C1orf141: variants seen among roughly 807,000 people sequenced by gnomAD.
C1orf141 encodes chromosome 1 open reading frame 141.
Under a neutral mutation model 23.2 loss-of-function variants are expected in C1orf141, and 19 were observed. The ratio of observed to expected loss-of-function variants is 0.82; its 90% CI spans 0.57 to 1.20. The LOEUF is 1.20. C1orf141 is among the 50% of genes most tolerant of loss of function. C1orf141 has a pLI of 0.00. For missense variants in C1orf141, 469 were observed against 455.1 expected, an observed-to-expected ratio of 1.03 and a Z score of -0.28; for synonymous variants, 153 against 154.6, an observed-to-expected ratio of 0.99 and a Z score of 0.08.
intron 5 of C1orf141, among the ~76,000 whole-genome samples, chr1:67,097,692 G>C (rs538552523): frequency 6.0e-4 from 91 of 152,176 alleles, no homozygotes; most frequent in Admixed American, 1.2e-3. Flanking sequence ...CTTGCTCAGT[G>C]ATGGATGGTC....
At chr1:67,128,106 A>T (rs1019210386) in intron 2 of C1orf141, among the ~76,000 whole-genome samples, 30 of 152,168 alleles carry the variant, frequency 2.0e-4, no homozygotes, top group African/African-American at 6.0e-4. Flanking sequence ...AGTAGCAGCA[A>T]CTAAGCTGGT....
intron 7 of C1orf141, 169 bp downstream of exon 7, chr1:67,095,066 G>A: frequency 2.1e-6 from 1 of 485,202 alleles, no homozygotes; most frequent in East Asian, 3.2e-5. Context: ...CCCTGGTTTG[G>A]GAGTTGTGCA....
intron 2 of C1orf141, among the ~76,000 whole-genome samples, chr1:67,129,440 G>A (rs988329691): frequency 6.6e-6 from 1 of 152,128 alleles, no homozygotes; most frequent in African/African-American, 2.4e-5. Context: ...ACCCCGGCTT[G>A]GGTGACAGAG....
intron 5 of C1orf141, among the ~76,000 whole-genome samples, chr1:67,104,579 A>G (rs1234879434): frequency 2.6e-5 from 4 of 152,210 alleles, no homozygotes; most frequent in Non-Finnish European, 5.9e-5. Context: ...TTTAAAACAT[A>G]GTTTAAAAGA....
chr1:67,132,034 C>T (rs940342505), intron 1 of C1orf141, among the ~76,000 whole-genome samples: 9 of 151,752 alleles, frequency 5.9e-5, no homozygotes, highest in Non-Finnish European at 7.4e-5. Context: ...CCGCCCACCT[C>T]GGCCTCCCAA....
intron 5 of C1orf141, among the ~76,000 whole-genome samples, chr1:67,105,854 C>A (rs1455957046): frequency 1.3e-5 from 2 of 152,164 alleles, no homozygotes; most frequent in Admixed American, 6.5e-5. Flanking sequence ...GCTAGAAAAA[C>A]CACGTTGTTT....
chr1:67,121,175 T>C (rs1646291734), intron 4 of C1orf141, among the ~76,000 whole-genome samples: 1 of 152,184 alleles, frequency 6.6e-6, no homozygotes, highest in Non-Finnish European at 1.5e-5. Context: ...AACCTTGCCT[T>C]TGGGTGTAGT....
At chr1:67,107,704 C>T (rs556913692) in intron 5 of C1orf141, among the ~76,000 whole-genome samples, 15 of 152,148 alleles carry the variant, frequency 9.9e-5, no homozygotes, top group Non-Finnish European at 1.9e-4. Flanking sequence ...GCCTGACCAA[C>T]GTGGAGAAAC....
chr1:67,095,459 C>G lies in C1orf141; in HGVS notation c.417-38G>C. 8.5e-6 allele frequency: 10 copies of G among 1,174,952 alleles called. No individual in the cohort carries two copies. In the South Asian group the frequency reaches 1.7e-4, roughly 20 times the overall value. The allele number at this position is 1,174,952 out of a possible 1,614,324, so 72.8% of individuals were successfully genotyped here. A position where few individuals can be genotyped will look rare whatever the true frequency, so the allele number is the denominator to read the frequency against. On this transcript the variant is annotated intron_variant, in intron 6 of 7. Coordinates refer to ENST00000684719, the MANE Select transcript of C1orf141 (RefSeq NM_001276351.2). ...ACAGTTCAGGGTAGTGTTCATGGGG[C>G]TGATTACAGCTTGTCAGTTCTTGTC...
At chr1:67,141,281 T>A (rs1646635264) in intron 1 of C1orf141, among the ~76,000 whole-genome samples, 1 of 152,220 alleles carries the variant, frequency 6.6e-6, no homozygotes, top group South Asian at 2.1e-4. Context: ...TGTATACTTT[T>A]GTATTTTCTA....
chr1:67,123,460 A>AT (rs1012123922), intron 4 of C1orf141: 3 of 152,056 alleles, frequency 2.0e-5, no homozygotes, highest in African/African-American at 7.2e-5. Context: ...CTCTTGTCAT[A>AT]TTTTTTGAAG....
intron 1 of C1orf141, among the ~76,000 whole-genome samples, chr1:67,131,553 G>C (rs1051838641): frequency 6.6e-6 from 1 of 152,014 alleles, no homozygotes; most frequent in African/African-American, 2.4e-5. Flanking sequence ...GATGACATAT[G>C]AGACCATCCA....
chr1:67,125,703 C>A, intron 4 of C1orf141, 49 bp downstream of exon 4: 2 of 1,568,926 alleles, frequency 1.3e-6, no homozygotes, highest in Non-Finnish European at 1.8e-6. Flanking sequence ...GTTTCACAAA[C>A]AAACAAACAA....
intron 5 of C1orf141, chr1:67,113,613 C>T: frequency 1.4e-6 from 1 of 736,104 alleles, no homozygotes; most frequent in Non-Finnish European, 1.9e-6. Flanking sequence ...GATCCACTTG[C>T]CTTGGCATCT....
chr1:67,106,593 G>C (rs563320858), intron 5 of C1orf141, among the ~76,000 whole-genome samples: 2 of 152,202 alleles, frequency 1.3e-5, no homozygotes, highest in African/African-American at 4.8e-5. Context: ...GGGAGGCAGA[G>C]GTTGCAGCAA....
Position 67,094,911 on chromosome 1 carries a change from A to C in C1orf141, c.603+324T>G, listed in dbSNP as rs566029110. ...CAGACTCCAGAGTAGCGGGGATTAC[A>C]GGTGCACACCACTGCATTCTGCTAG... On this transcript the variant is annotated intron_variant, in intron 7 of 7. Coordinates refer to ENST00000684719, the MANE Select transcript of C1orf141 (RefSeq NM_001276351.2). 92 of 187,882 alleles carry C rather than the reference A, an allele frequency of 4.9e-4. 1 individual carries two copies. The South Asian group carries it at 0.014, about 28-fold the overall frequency. The allele number at this position is 187,882 out of a possible 1,614,324, so 11.6% of individuals were successfully genotyped here. A position where few individuals can be genotyped will look rare whatever the true frequency, so the allele number is the denominator to read the frequency against.
At chr1:67,125,667 C>T (rs1646392717) in intron 4 of C1orf141, 85 bp downstream of exon 4, 2 of 1,314,478 alleles carry the variant, frequency 1.5e-6, no homozygotes, top group Middle Eastern at 2.2e-4. Flanking sequence ...CCACTGCACT[C>T]TACCCTAGGC....
At chr1:67,135,729 T>C (rs78597810), upstream of C1orf141, among the ~76,000 whole-genome samples, 5,701 of 152,004 alleles carry the variant, frequency 0.038, 106 homozygotes, top group East Asian at 0.076. Context: ...AATTTCACAA[T>C]ATTGGTTACA....
chr1:67,102,692 A>G (rs1033503655), intron 5 of C1orf141: 1 of 152,106 alleles, frequency 6.6e-6, no homozygotes, highest in Non-Finnish European at 1.5e-5. Context: ...AGACAGACAG[A>G]AAACTCGAGA....
Sources: gnomAD v4.1 joint callset for allele counts (sites outside exome capture counted in the v4.1 genomes callset) on GRCh38, gnomAD v4.1.1 for gene constraint, MANE v1.5 for transcripts, NCBI Gene and HGNC (gene_info 2026-07-23, HGNC 2026-07-21) for gene names.